The following XPR1 variants were observed in gnomAD, a reference collection of about 807,000 sequenced individuals.
XPR1 encodes xenotropic and polytropic retrovirus receptor 1.
XPR1 carries 28 observed loss-of-function variants against 87.5 expected under a neutral mutation model. The observed-to-expected ratio is 0.32, with a 90% CI of 0.24 to 0.44. XPR1 has a LOEUF of 0.44. Ranked by LOEUF, XPR1 falls within the 20% of genes least tolerant of loss-of-function variation. The pLI is 1.00. For missense variants in XPR1, 559 were observed against 862.3 expected, an observed-to-expected ratio of 0.65 and a Z score of 4.41; for synonymous variants, 300 against 306.1, an observed-to-expected ratio of 0.98 and a Z score of 0.21.
At chr1:180,645,273 A>G (rs1655083541) in intron 1 of XPR1, among the ~76,000 whole-genome samples, 1 of 152,230 alleles carries the variant, frequency 6.6e-6, no homozygotes. Flanking sequence ...TAATGCTTAA[A>G]TTCTTTGGAA....
At chr1:180,801,199 A>G (rs1056021068) in intron 3 of XPR1, among the ~76,000 whole-genome samples, 1 of 152,260 alleles carries the variant, frequency 6.6e-6, no homozygotes, top group Non-Finnish European at 1.5e-5. Context: ...CAATAGATAC[A>G]TCTCTCATGG....
intron 1 of XPR1, among the ~76,000 whole-genome samples, chr1:180,675,881 A>C (rs1656353768): frequency 6.6e-6 from 1 of 152,128 alleles, no homozygotes; most frequent in South Asian, 2.1e-4. Flanking sequence ...TCTCTTGTTC[A>C]CAGGCACAGA....
intron 2 of XPR1, among the ~76,000 whole-genome samples, chr1:180,785,643 AAT>A (rs1220159620): frequency 1.3e-5 from 2 of 152,028 alleles, no homozygotes; most frequent in African/African-American, 4.8e-5. Flanking sequence ...TGTGAACGTT[AAT>A]ATATATTAAA....
intron 1 of XPR1, among the ~76,000 whole-genome samples, chr1:180,678,662 C>T (rs1571713794): frequency 6.6e-6 from 1 of 152,010 alleles, no homozygotes; most frequent in South Asian, 2.1e-4. Context: ...TTAAAATGAA[C>T]AAAAATACAT....
chr1:180,790,273 A>G (rs964650890), intron 3 of XPR1, among the ~76,000 whole-genome samples: 25 of 152,114 alleles, frequency 1.6e-4, no homozygotes, highest in Non-Finnish European at 5.9e-5. Context: ...TTGCTCCAGT[A>G]ATTATTTCCT....
intron 9 of XPR1, among the ~76,000 whole-genome samples, chr1:180,832,299 A>G (rs1167509377): frequency 1.3e-5 from 2 of 152,170 alleles, no homozygotes; most frequent in Admixed American, 6.5e-5. Context: ...GCCCTTCATC[A>G]GATGGATAGA....
intron 2 of XPR1, among the ~76,000 whole-genome samples, chr1:180,774,304 A>G (rs1253965360): frequency 6.6e-6 from 1 of 151,750 alleles, no homozygotes; most frequent in African/African-American, 2.4e-5. Flanking sequence ...TAGTTTATGG[A>G]TGTTAAAGAA....
At chr1:180,758,207 C>T (rs1361935192) in intron 2 of XPR1, among the ~76,000 whole-genome samples, 1 of 151,220 alleles carries the variant, frequency 6.6e-6, no homozygotes, top group African/African-American at 2.4e-5. Flanking sequence ...ATGGATGGAC[C>T]TGCAGGCCAT....
intron 2 of XPR1, among the ~76,000 whole-genome samples, chr1:180,755,238 A>C (rs1051860645): frequency 9.8e-5 from 15 of 152,330 alleles, no homozygotes; most frequent in African/African-American, 3.6e-4. Flanking sequence ...GAGCACACTC[A>C]GTGTCCAGTT....
intron 2 of XPR1, among the ~76,000 whole-genome samples, chr1:180,734,350 A>G (rs1658657927): frequency 6.6e-6 from 1 of 152,186 alleles, no homozygotes; most frequent in Admixed American, 6.5e-5. Flanking sequence ...GAGTTTGTTT[A>G]TATAGCAAAA....
At chr1:180,844,103 C>T (rs1480940875) in intron 11 of XPR1, among the ~76,000 whole-genome samples, 6 of 151,840 alleles carry the variant, frequency 4.0e-5, no homozygotes, top group Admixed American at 1.3e-4. Context: ...CCCAGCTACT[C>T]GGGAGGCTGA....
rs182900534 is a variant in XPR1 at position 180,834,826 on chromosome 1, A to G, written c.1135-48A>G. The G allele has an allele frequency of 8.2e-4, 1,290 of 1,564,978 alleles. 21 individuals carry two copies. Among genetic ancestry groups the G allele is most frequent in the Non-Finnish European group, 7.9e-5 (91 of 1,156,724 alleles). On this transcript the variant is annotated intron_variant, in intron 9 of 14. Coordinates refer to ENST00000367590, the MANE Select transcript of XPR1 (RefSeq NM_004736.4). Reference sequence around the variant, plus strand: ...GTCAGACATGAAATGGAGACATTTAATACGACTTTTCTTGTTTCTGTGTTT... The same window carrying G: ...GTCAGACATGAAATGGAGACATTTAGTACGACTTTTCTTGTTTCTGTGTTT...
chr1:180,732,571 A>G (rs1280991017), intron 2 of XPR1, among the ~76,000 whole-genome samples: 5 of 152,168 alleles, frequency 3.3e-5, no homozygotes, highest in East Asian at 1.9e-4. Flanking sequence ...AGGGTGTGCA[A>G]TGGGGGAGTG....
chr1:180,641,157 G>A (rs1654949603), intron 1 of XPR1, among the ~76,000 whole-genome samples: 2 of 152,120 alleles, frequency 1.3e-5, no homozygotes, highest in Non-Finnish European at 2.9e-5. Context: ...ACCTTTTTGT[G>A]CTTCAGTTTC....
intron 9 of XPR1, among the ~76,000 whole-genome samples, chr1:180,833,231 T>C (rs1328486732): frequency 6.6e-6 from 1 of 152,140 alleles, no homozygotes; most frequent in African/African-American, 2.4e-5. Context: ...CATACCAAAA[T>C]GTAAAGACCA....
At chr1:180,729,057 G>A (rs775074460) in intron 2 of XPR1, among the ~76,000 whole-genome samples, 1 of 152,142 alleles carries the variant, frequency 6.6e-6, no homozygotes, top group Non-Finnish European at 1.5e-5. Flanking sequence ...TGTGCTGAAT[G>A]TTTAGCTCCT....
intron 2 of XPR1, among the ~76,000 whole-genome samples, chr1:180,770,151 T>C (rs1490785957): frequency 6.6e-6 from 1 of 152,230 alleles, no homozygotes; most frequent in Non-Finnish European, 1.5e-5. Flanking sequence ...TCCTGTATTT[T>C]GTTTTATGTT....
chr1:180,784,518 TTTGC>T lies in XPR1; in HGVS notation c.122-3231_122-3228del, dbSNP rs1236277162. On this transcript the variant is annotated intron_variant, in intron 2 of 14. Coordinates refer to ENST00000367590, the MANE Select transcript of XPR1 (RefSeq NM_004736.4). Reference sequence around the variant, plus strand: ...ATATTTATGCTGCTTCTCTTTTAACTTTGCTTGTGGTGTTTTATGGAATGGAAAT... The same window carrying T: ...ATATTTATGCTGCTTCTCTTTTAACTTTGTGGTGTTTTATGGAATGGAAAT... Among the ~76,000 whole-genome samples the T allele has an allele frequency of 2.0e-5, 3 of 152,092 alleles. No individual in the cohort carries two copies. The East Asian group carries it at 5.8e-4, about 29-fold the overall frequency.
chr1:180,698,741 AT>A (rs554532954), intron 2 of XPR1, among the ~76,000 whole-genome samples: 2 of 152,226 alleles, frequency 1.3e-5, no homozygotes, highest in East Asian at 3.9e-4. Flanking sequence ...GGAAAAAAAA[AT>A]ATTTCTCCTT....
Sources: allele counts gnomAD v4.1 joint callset (sites outside exome capture counted in the v4.1 genomes callset), GRCh38; gene constraint gnomAD v4.1.1; transcripts MANE v1.5; gene names NCBI Gene and HGNC (gene_info 2026-07-23, HGNC 2026-07-21).